The following OSBPL6 variants were observed in gnomAD, a reference collection of about 807,000 sequenced individuals.
The protein encoded by OSBPL6 is oxysterol binding protein like 6.
A neutral mutation model predicts 125.8 loss-of-function variants in OSBPL6; 49 were observed. That is an observed-to-expected ratio of 0.39 (90% confidence interval 0.31 to 0.49). The LOEUF is 0.49. Among genes scored for constraint, OSBPL6 ranks in the 20% least tolerant of loss-of-function variants. OSBPL6 has a pLI of 0.88. For missense variants in OSBPL6, 986 were observed against 1,135.4 expected (o/e 0.87, Z 1.89); for synonymous variants, 394 against 391.8 (o/e 1.01, Z -0.07).
intron 11 of OSBPL6, among the ~76,000 whole-genome samples, chr2:178,342,444 G>T (rs1690300077): frequency 6.6e-6 from 1 of 152,152 alleles, no homozygotes; most frequent in Non-Finnish European, 1.5e-5. Context: ...ATGTTTGATT[G>T]CTTATTCTTG....
chr2:178,196,243 G>A (rs911694987), intron 1 of OSBPL6, among the ~76,000 whole-genome samples: 3 of 152,124 alleles, frequency 2.0e-5, no homozygotes, highest in African/African-American at 7.2e-5. Context: ...CATTGGGAAA[G>A]GCCCTGATTG....
chr2:178,260,829 A>G (rs1226676420), intron 1 of OSBPL6, among the ~76,000 whole-genome samples: 1 of 152,150 alleles, frequency 6.6e-6, no homozygotes, highest in Admixed American at 6.6e-5. Flanking sequence ...CTGTAGATGG[A>G]TGTTACGAAA....
Position 178,350,138 on chromosome 2 carries a change from T to G in OSBPL6, c.1153+749T>G, listed in dbSNP as rs145256906. 5.8e-3 allele frequency among the ~76,000 whole-genome samples: 890 copies of G among 152,290 alleles called. 6 individuals are homozygous for G. The highest frequency in any genetic ancestry group is 0.051 in the Middle Eastern group (15 of 294). ...TTGATCCCACATTTGAGCCTCTTCT[T>G]TATGTTAAATTTTCAGTGAGGCTTG... On this transcript the variant is annotated intron_variant, in intron 12 of 24. Coordinates refer to ENST00000190611, the MANE Select transcript of OSBPL6 (RefSeq NM_032523.4).
chr2:178,356,686 G>A (rs1277550650), intron 12 of OSBPL6, among the ~76,000 whole-genome samples: 2 of 152,170 alleles, frequency 1.3e-5, no homozygotes. Flanking sequence ...TAGATTCAGT[G>A]CCATCCCCAT....
At chr2:178,324,317 T>A in intron 4 of OSBPL6, 48 bp downstream of exon 4, 3 of 1,322,230 alleles carry the variant, frequency 2.3e-6, no homozygotes, top group Non-Finnish European at 3.2e-6. Context: ...ATGCCTGCTC[T>A]GGGGCCAATT....
intron 15 of OSBPL6, among the ~76,000 whole-genome samples, chr2:178,377,363 A>G (rs1052592263): frequency 6.6e-6 from 1 of 152,204 alleles, no homozygotes; most frequent in Admixed American, 6.5e-5. Context: ...GACAGTACCA[A>G]AGGGGATGGT....
chr2:178,390,455 A>T (rs1354868165), intron 21 of OSBPL6, among the ~76,000 whole-genome samples: 1 of 152,206 alleles, frequency 6.6e-6, no homozygotes, highest in Non-Finnish European at 1.5e-5. Flanking sequence ...AAAGGTGCAC[A>T]CGCTGGTGGG....
At chr2:178,198,156 T>C (rs1361353034) in intron 1 of OSBPL6, among the ~76,000 whole-genome samples, 3 of 152,202 alleles carry the variant, frequency 2.0e-5, no homozygotes, top group African/African-American at 7.2e-5. Flanking sequence ...TAGGAGGCAC[T>C]GCTGATTGAG....
chr2:178,274,160 A>G (rs894341144), intron 1 of OSBPL6, among the ~76,000 whole-genome samples: 1 of 152,192 alleles, frequency 6.6e-6, no homozygotes, highest in African/African-American at 2.4e-5. Flanking sequence ...GCTTTTAGTT[A>G]TTGCAAGCTA....
chr2:178,344,924 A>G (rs573391440), intron 11 of OSBPL6, among the ~76,000 whole-genome samples: 34 of 152,092 alleles, frequency 2.2e-4, no homozygotes, highest in Admixed American at 2.0e-3. Context: ...AAAATTAGAA[A>G]CTGTAGTGTG....
At chr2:178,314,510 C>T (rs1227369292) in intron 3 of OSBPL6, among the ~76,000 whole-genome samples, 2 of 152,142 alleles carry the variant, frequency 1.3e-5, no homozygotes, top group African/African-American at 2.4e-5. Flanking sequence ...TTTGGGAATC[C>T]ACTCATCCCA....
intron 1 of OSBPL6, among the ~76,000 whole-genome samples, chr2:178,196,411 A>T (rs1389219399): frequency 6.6e-6 from 1 of 152,172 alleles, no homozygotes. Context: ...TTTGGATGCA[A>T]TGTTGATAAC....
intron 5 of OSBPL6, 77 bp from the exon 6 acceptor site, chr2:178,331,474 CA>C (rs1276534951): frequency 2.6e-5 from 38 of 1,434,550 alleles, no homozygotes; most frequent in Non-Finnish European, 3.5e-5. Flanking sequence ...AAATGCCAAG[CA>C]ACATTAGACC....
At chr2:178,337,148 C>T (rs2154080313) in intron 9 of OSBPL6, among the ~76,000 whole-genome samples, 1 of 152,088 alleles carries the variant, frequency 6.6e-6, no homozygotes, top group South Asian at 2.1e-4. Context: ...TTCATTTGAC[C>T]TTCAAAACCG....
At chr2:178,215,343 C>G (rs1196832083) in intron 1 of OSBPL6, among the ~76,000 whole-genome samples, 2 of 152,112 alleles carry the variant, frequency 1.3e-5, no homozygotes, top group Non-Finnish European at 2.9e-5. Flanking sequence ...AAAATTGGCC[C>G]TTTTATGTGT....
At chr2:178,382,674 A>T in intron 16 of OSBPL6, 167 bp downstream of exon 16, 4 of 1,475,726 alleles carry the variant, frequency 2.7e-6, no homozygotes, top group Non-Finnish European at 3.6e-6. Context: ...CTTGAGGTAA[A>T]TGGTTGAAAA....
intron 1 of OSBPL6, among the ~76,000 whole-genome samples, chr2:178,198,776 A>G (rs959713737): frequency 1.3e-5 from 2 of 152,218 alleles, no homozygotes; most frequent in African/African-American, 4.8e-5. Flanking sequence ...AGTTGTGTCA[A>G]ATATTCTGTG....
chr2:178,197,145 G>T (rs1022917688), intron 1 of OSBPL6, among the ~76,000 whole-genome samples: 1 of 151,874 alleles, frequency 6.6e-6, no homozygotes, highest in East Asian at 1.9e-4. Context: ...TGGTTTGTAG[G>T]TTATGTGAAT....
At chr2:178,197,000 G>T (rs2088938283) in intron 1 of OSBPL6, among the ~76,000 whole-genome samples, 1 of 150,270 alleles carries the variant, frequency 6.7e-6, no homozygotes, top group Non-Finnish European at 1.5e-5. Context: ...GTCTTATAAC[G>T]CAGTATGTTT....
Sources: allele counts gnomAD v4.1 joint callset (sites outside exome capture counted in the v4.1 genomes callset), GRCh38; gene constraint gnomAD v4.1.1; transcripts MANE v1.5; gene names NCBI Gene and HGNC (gene_info 2026-07-23, HGNC 2026-07-21).